The following CCDC33 variants were observed in gnomAD, a reference collection of about 807,000 sequenced individuals.
The protein encoded by CCDC33 is coiled-coil domain containing 33, also known as coiled-coil domain-containing protein 33.
In CCDC33, 94 loss-of-function variants were observed where a neutral mutation model predicts 91.9. The ratio of observed to expected loss-of-function variants is 1.02; its 90% CI spans 0.87 to 1.21. The LOEUF (loss-of-function observed/expected upper bound fraction) is 1.21. Among genes scored for constraint, CCDC33 ranks in the 50% most tolerant of loss-of-function variants. CCDC33 has a pLI of 0.00. For missense variants in CCDC33, 940 were observed against 935.5 expected (o/e 1.00, Z -0.06); for synonymous variants, 396 against 374.5 (o/e 1.06, Z -0.66).
intron 15 of CCDC33, 113 bp from the exon 16 acceptor site, chr15:74,332,566 T>A (rs1014694218): frequency 8.8e-7 from 1 of 1,136,186 alleles, no homozygotes; most frequent in Non-Finnish European, 1.3e-6. Context: ...CATTGAAGGC[T>A]TGGGAGTAGA....
At chr15:74,308,354 G>GACACACACACACACACACACACAC (rs5813758) in intron 11 of CCDC33, among the ~76,000 whole-genome samples, 166 of 142,024 alleles carry the variant, frequency 1.2e-3, no homozygotes, top group African/African-American at 4.2e-3. Flanking sequence ...TGTGCAGACA[G>GACACACACACACACACACACACAC]ACAGACACAC....
rs2074503642 is a variant in CCDC33 at position 74,218,445 on chromosome 15, C to T, written c.311-52C>T. 2 of 1,232,422 alleles carry T rather than the reference C, an allele frequency of 1.6e-6. No individual in the cohort carries two copies. The highest frequency in any genetic ancestry group is 3.1e-5 in the African/African-American group (2 of 64,736). The allele number at this position is 1,232,422 out of a possible 1,614,324, so 76.3% of individuals were successfully genotyped here. ...CCTGCCTGTCCTCCTAGTCACCTGG[C>T]AGATGCAGAGAAACCTGAGACCATC... is the stretch of plus-strand genomic sequence containing the variant. On this transcript the variant is annotated intron_variant, in intron 1 of 2. Coordinates refer to the CCDC33 transcript ENST00000635913. The surrounding 1 kb of genome is among the most constrained non-coding windows in gnomAD (Gnocchi z 4.8).
At chr15:74,238,001 G>A (rs777450746) in intron 1 of CCDC33, among the ~76,000 whole-genome samples, 17 of 151,684 alleles carry the variant, frequency 1.1e-4, no homozygotes, top group African/African-American at 1.7e-4. Flanking sequence ...GTTGGTGCAC[G>A]TCTGTAATCC....
intron 2 of CCDC33, among the ~76,000 whole-genome samples, chr15:74,211,743 T>G (rs192080274): frequency 1.4e-4 from 21 of 152,002 alleles, no homozygotes; most frequent in African/African-American, 4.8e-4. Flanking sequence ...CTGTCTGCCT[T>G]TCTGCCCCTG....
At position 74,230,057 on chromosome 15, in the gene CCDC33, A is replaced by C. The variant is rs556936932; in HGVS notation, c.675+11196A>C. ...GATGGCCCAGGCACATGGAACAGTA[A>C]AGGTGAAGGCCTGAAGGCTGGAGAG... On this transcript the variant is annotated intron_variant, in intron 2 of 2. Coordinates refer to the CCDC33 transcript ENST00000635913. Among the ~76,000 whole-genome samples, 11 of 152,324 alleles carry C rather than the reference A, an allele frequency of 7.2e-5. No individual in the cohort carries two copies. In the South Asian group the frequency reaches 2.1e-3, roughly 29 times the overall value.
intron 9 of CCDC33, 37 bp from the exon 10 acceptor site, chr15:74,281,741 G>A (rs1243480627): frequency 6.3e-7 from 1 of 1,582,938 alleles, no homozygotes. Context: ...AAGCTGCCCT[G>A]GCCAGCATGG....
intron 1 of CCDC33, chr15:74,209,091 C>G: frequency 1.6e-6 from 2 of 1,289,020 alleles, no homozygotes; most frequent in Non-Finnish European, 2.0e-6. Flanking sequence ...CTCCTGCCCT[C>G]ACAGACCTCC....
rs1014434300 is a variant in CCDC33, at chr15:74,229,364, G to A, written c.675+10503G>A. On this transcript the variant is annotated intron_variant, in intron 2 of 2. Transcript: ENST00000635913. ...AAAAATTAGCCAGGCGTAATGGCAG[G>A]CACCTGTAATCCCAGCTACTTGGGA... is the stretch of plus-strand genomic sequence containing the variant. Among the ~76,000 whole-genome samples the A allele has an allele frequency of 2.6e-5, 4 of 152,232 alleles. No homozygotes were observed. In the East Asian group the frequency reaches 7.7e-4, roughly 29 times the overall value.
intron 2 of CCDC33, among the ~76,000 whole-genome samples, chr15:74,256,063 G>A (rs553543336): frequency 4.9e-4 from 74 of 152,368 alleles, no homozygotes; most frequent in African/African-American, 1.6e-3. Context: ...CGACAAGACA[G>A]GTCCCTGCCC....
intron 2 of CCDC33, among the ~76,000 whole-genome samples, chr15:74,210,181 C>T (rs191486392): frequency 1.3e-5 from 2 of 152,266 alleles, no homozygotes; most frequent in East Asian, 3.9e-4. Flanking sequence ...GAAAATTAAC[C>T]TTTGGCACAC....
At chr15:74,250,692 C>T (rs1217534478) in intron 2 of CCDC33, among the ~76,000 whole-genome samples, 4 of 152,240 alleles carry the variant, frequency 2.6e-5, no homozygotes, top group African/African-American at 9.6e-5. Flanking sequence ...ACCAGGTCTG[C>T]TTTGCTCACC....
chr15:74,290,816 G>A (rs1233954720), intron 10 of CCDC33, among the ~76,000 whole-genome samples: 1 of 152,168 alleles, frequency 6.6e-6, no homozygotes, highest in African/African-American at 2.4e-5. Context: ...GAAAGGTCTT[G>A]GAGCAGCAGT....
intron 1 of CCDC33, among the ~76,000 whole-genome samples, chr15:74,243,402 C>T (rs949569687): frequency 6.6e-6 from 1 of 152,184 alleles, no homozygotes; most frequent in African/African-American, 2.4e-5. Context: ...ACGAGGACAC[C>T]TGCGAAAGCT....
At chr15:74,252,181 G>A (rs1369767767) in intron 2 of CCDC33, among the ~76,000 whole-genome samples, 1 of 152,188 alleles carries the variant, frequency 6.6e-6, no homozygotes, top group Admixed American at 6.5e-5. Context: ...TGGAAGGGGG[G>A]TTGTTGAGAC....
At chr15:74,298,130 T>G (rs547431068) in intron 11 of CCDC33, among the ~76,000 whole-genome samples, 3 of 152,208 alleles carry the variant, frequency 2.0e-5, no homozygotes, top group Non-Finnish European at 4.4e-5. Context: ...ACTGAGGTCA[T>G]TAGGTCTGAG....
chr15:74,274,286 A>C (rs74931284), intron 7 of CCDC33, among the ~76,000 whole-genome samples: 11,021 of 152,296 alleles, frequency 0.072, 539 homozygotes, highest in African/African-American at 0.14. Flanking sequence ...CACGCACAGA[A>C]CATGGCTGGG....
Position 74,281,825 on chromosome 15 carries a change from C to A in CCDC33, c.1071C>A (p.Leu357=). 2 of 1,614,098 alleles carry A rather than the reference C, an allele frequency of 1.2e-6. No individual in the cohort carries two copies. The highest frequency in any genetic ancestry group is 1.7e-6 in the Non-Finnish European group (2 of 1,179,986). The part of the protein sequence containing the change: ...TINDEAPTVA[L]SFQLLSSERP... ...ATGATGAGGCCCCCACAGTGGCTCTCTCCTTCCAGCTGCTTTCCTCTGAGG... is the reference window on the plus strand; with the variant it reads ...ATGATGAGGCCCCCACAGTGGCTCTATCCTTCCAGCTGCTTTCCTCTGAGG... The change falls in exon 10 of 19, where the codon CTC becomes CTA. Residue 357 remains leucine (L), a synonymous_variant. Coordinates refer to ENST00000398814, the MANE Select transcript of CCDC33 (RefSeq NM_025055.5).
In CCDC33 at chr15:74,281,771, T is replaced by A; in HGVS notation, c.1024-7T>A. 1 of 1,613,144 alleles carries A rather than the reference T, an allele frequency of 6.2e-7. No homozygotes were observed. The highest frequency in any genetic ancestry group is 8.5e-7 in the Non-Finnish European group (1 of 1,179,456). ...GCATGGTCTGAGTGCTCCCTTTTCC[T>A]CCCCAGGACACCAGCCTGAAAACTA... is the stretch of plus-strand genomic sequence containing the variant. On this transcript the variant is annotated splice_region_variant and splice_polypyrimidine_tract_variant and intron_variant, in intron 9 of 18. Transcript: ENST00000398814.
chr15:74,297,834 C>T (rs1019786943), intron 11 of CCDC33, among the ~76,000 whole-genome samples: 2 of 152,218 alleles, frequency 1.3e-5, no homozygotes, highest in African/African-American at 2.4e-5. Context: ...CTCAGAGCAA[C>T]CTCTCCTGCT....
Sources: allele counts gnomAD v4.1 joint callset (sites outside exome capture counted in the v4.1 genomes callset), GRCh38; gene constraint gnomAD v4.1.1; non-coding constraint Gnocchi (gnomAD v3.1); transcripts MANE v1.5; gene names NCBI Gene and HGNC (gene_info 2026-07-23, HGNC 2026-07-21).